The following MAP2K6 variants were observed in gnomAD, a reference collection of about 807,000 sequenced individuals.
MAP2K6 encodes the protein mitogen-activated protein kinase kinase 6, also known as dual specificity mitogen-activated protein kinase kinase 6.
Under a neutral mutation model 53.7 loss-of-function variants are expected in MAP2K6, and 16 were observed. That is an observed-to-expected ratio of 0.30 (90% CI 0.20 to 0.45). The LOEUF is 0.45. Among genes scored for constraint, MAP2K6 ranks in the 20% least tolerant of loss-of-function variants. The probability of loss-of-function intolerance (pLI) is 1.00; values close to 1 mark genes in which losing one functional copy is unlikely to be tolerated. For missense variants in MAP2K6, 204 were observed against 411.9 expected, an observed-to-expected ratio of 0.50 and a Z score of 4.37; for synonymous variants, 132 against 143.1, an observed-to-expected ratio of 0.92 and a Z score of 0.55.
Position 69,526,192 on chromosome 17 carries a change from C to T in MAP2K6, c.742-378C>T, listed in dbSNP as rs114172476. Among the ~76,000 whole-genome samples the T allele has an allele frequency of 5.2e-3, 799 of 152,280 alleles. 9 individuals are homozygous for T. Among genetic ancestry groups the T allele is most frequent in the African/African-American group, 0.018 (766 of 41,560 alleles). The stretch of plus-strand genomic sequence containing the variant: ...GGACCTGAAGGTGGCAGTAGATGCT[C>T]GGCTCTGGAAAGATCTTAGGCTGGG... On this transcript the variant is annotated intron_variant, in intron 9 of 11. Coordinates refer to ENST00000590474, the MANE Select transcript of MAP2K6 (RefSeq NM_002758.4).
At chr17:69,511,543 C>A (rs1483519836) in intron 2 of MAP2K6, among the ~76,000 whole-genome samples, 4 of 152,140 alleles carry the variant, frequency 2.6e-5, no homozygotes, top group Non-Finnish European at 5.9e-5. Context: ...TTGATAGTGA[C>A]CAATTCTAAA....
intron 1 of MAP2K6, among the ~76,000 whole-genome samples, chr17:69,421,018 T>C (rs924533861): frequency 3.9e-5 from 6 of 152,232 alleles, no homozygotes; most frequent in Non-Finnish European, 5.9e-5. Context: ...ACTGTCTTGT[T>C]TGAAAGCCCT....
At chr17:69,487,790 C>T (rs1159574806) in intron 1 of MAP2K6, among the ~76,000 whole-genome samples, 1 of 152,192 alleles carries the variant, frequency 6.6e-6, no homozygotes, top group Non-Finnish European at 1.5e-5. Context: ...GTACTTCCTT[C>T]AGTCTTTAAT....
chr17:69,526,721 T>A lies in MAP2K6; in HGVS notation c.881+12T>A. 1.2e-6 allele frequency: 2 copies of A among 1,609,802 alleles called. No homozygotes were observed. The highest frequency in any genetic ancestry group is 1.7e-6 in the Non-Finnish European group (2 of 1,179,422). ...TTTACCTCACAGTGGTAAGACAGCC[T>A]CACCTCCCAAGTGTCAGTGTGAAAG... On this transcript the variant is annotated intron_variant, in intron 10 of 11. Coordinates refer to ENST00000590474, the MANE Select transcript of MAP2K6 (RefSeq NM_002758.4).
chr17:69,468,857 G>A (rs62080950), intron 1 of MAP2K6, among the ~76,000 whole-genome samples: 5 of 152,112 alleles, frequency 3.3e-5, no homozygotes, highest in Admixed American at 3.3e-4. Context: ...ACAACAAAAG[G>A]CGGGTTGAAC....
intron 1 of MAP2K6, among the ~76,000 whole-genome samples, chr17:69,480,313 T>A (rs1424613599): frequency 1.3e-5 from 2 of 152,162 alleles, no homozygotes; most frequent in Non-Finnish European, 2.9e-5. Flanking sequence ...CCCTCCTTTT[T>A]TTCACAGGAC....
rs779052080 is a variant in MAP2K6 at position 69,430,743 on chromosome 17, C to T, written c.16+15743C>T. 3.9e-5 allele frequency among the ~76,000 whole-genome samples: 6 copies of T among 152,280 alleles called. No homozygotes were observed. The East Asian group carries it at 7.7e-4, about 20-fold the overall frequency. On this transcript the variant is annotated intron_variant, in intron 1 of 11. Coordinates refer to ENST00000590474, the MANE Select transcript of MAP2K6 (RefSeq NM_002758.4). Reference sequence around the variant, plus strand: ...AATCAGCTGGACTGTCAAGCCACTTCGTTTAAGACAGAAACCAGCTACTGG... The same window carrying T: ...AATCAGCTGGACTGTCAAGCCACTTTGTTTAAGACAGAAACCAGCTACTGG...
chr17:69,443,748 C>G (rs1906890769), intron 1 of MAP2K6, among the ~76,000 whole-genome samples: 1 of 151,968 alleles, frequency 6.6e-6, no homozygotes, highest in Non-Finnish European at 1.5e-5. Flanking sequence ...AGTAGAGATT[C>G]CGATAATGCA....
At chr17:69,419,966 C>T (rs1029646187) in intron 1 of MAP2K6, among the ~76,000 whole-genome samples, 7 of 151,532 alleles carry the variant, frequency 4.6e-5, no homozygotes, top group Admixed American at 1.3e-4. Flanking sequence ...TCAAAGTTAG[C>T]CAGAAAATAG....
chr17:69,538,598 A>G (rs1375570215), intron 11 of MAP2K6, among the ~76,000 whole-genome samples: 1 of 152,238 alleles, frequency 6.6e-6, no homozygotes, highest in African/African-American at 2.4e-5. Flanking sequence ...TTGGTGAGGA[A>G]GTATGAAGGA....
At chr17:69,490,819 G>T (rs1344605824) in intron 1 of MAP2K6, among the ~76,000 whole-genome samples, 2 of 151,882 alleles carry the variant, frequency 1.3e-5, no homozygotes, top group African/African-American at 2.4e-5. Flanking sequence ...CATTACCCAA[G>T]TATTAAGCCT....
At chr17:69,520,218 A>G in intron 5 of MAP2K6, 52 bp from the exon 6 acceptor site, 2 of 891,750 alleles carry the variant, frequency 2.2e-6, no homozygotes, top group Non-Finnish European at 3.5e-6. Flanking sequence ...TTTTATTTTT[A>G]TTTCTCCCTT....
intron 1 of MAP2K6, among the ~76,000 whole-genome samples, chr17:69,461,132 T>A (rs1907611112): frequency 6.6e-6 from 1 of 152,218 alleles, no homozygotes; most frequent in African/African-American, 2.4e-5. Context: ...TAGTAAAAGA[T>A]GTGAGTGGTA....
In MAP2K6 at chr17:69,487,868, A is replaced by G. The variant is rs1376889386; in HGVS notation, c.17-17912A>G. 5.1e-4 allele frequency among the ~76,000 whole-genome samples: 78 copies of G among 152,236 alleles called. 1 individual carries two copies. Among genetic ancestry groups the G allele is most frequent in the Non-Finnish European group, 4.4e-5 (3 of 68,036 alleles). ...AATATTTACTTAAAATCAATCCAAT[A>G]AAAACCTACAACTTAAAGAAAATCT... On this transcript the variant is annotated intron_variant, in intron 1 of 11. Coordinates refer to ENST00000590474, the MANE Select transcript of MAP2K6 (RefSeq NM_002758.4).
Position 69,544,619 on chromosome 17 carries a change from C to G in MAP2K6, c.*2866C>G, listed in dbSNP as rs922673768. 2 of 152,070 alleles carry G rather than the reference C, an allele frequency of 1.3e-5. No individual in the cohort carries two copies. Among genetic ancestry groups the G allele is most frequent in the Non-Finnish European group, 2.9e-5 (2 of 68,008 alleles). 9.4% of individuals were successfully genotyped at this position (152,070 alleles called of 1,614,324 possible). A position where few individuals can be genotyped will look rare whatever the true frequency, so the allele number is the denominator to read the frequency against. ...CTACAAAAGAGATCATGCTTATTTC[C>G]CCAGATGTATTTGATTTTGTATCAT... is the stretch of plus-strand genomic sequence containing the variant. On this transcript the variant is annotated 3_prime_UTR_variant, in exon 12 of 12. Coordinates refer to ENST00000590474, the MANE Select transcript of MAP2K6 (RefSeq NM_002758.4).
chr17:69,474,819 T>C (rs1908088406), intron 1 of MAP2K6, among the ~76,000 whole-genome samples: 1 of 152,240 alleles, frequency 6.6e-6, no homozygotes, highest in South Asian at 2.1e-4. Flanking sequence ...ACTTCTTCTT[T>C]ATGGCGGTTT....
chr17:69,490,954 G>A (rs1598287156), intron 1 of MAP2K6, among the ~76,000 whole-genome samples: 1 of 151,846 alleles, frequency 6.6e-6, no homozygotes, highest in East Asian at 1.9e-4. Flanking sequence ...ATTTATATAA[G>A]TGAGAACATG....
Position 69,494,874 on chromosome 17 carries a change from G to A in MAP2K6, c.17-10906G>A, listed in dbSNP as rs534688734. Among the ~76,000 whole-genome samples, 8 of 151,796 alleles carry A rather than the reference G, an allele frequency of 5.3e-5. No homozygotes were observed. Among genetic ancestry groups the A allele is most frequent in the African/African-American group, 1.2e-4 (5 of 41,424 alleles). On this transcript the variant is annotated intron_variant, in intron 1 of 11. Coordinates refer to ENST00000590474, the MANE Select transcript of MAP2K6 (RefSeq NM_002758.4). This position sits in a 1 kb window ranked among gnomAD's most constrained non-coding sequence, Gnocchi z 4.2. The stretch of plus-strand genomic sequence containing the variant: ...TACAAAATTAGCCGGGCATGGTGGC[G>A]CACTTCTGTAATCCCAGCTACTCGG...
chr17:69,486,909 C>T (rs1908561156), intron 1 of MAP2K6, among the ~76,000 whole-genome samples: 1 of 152,140 alleles, frequency 6.6e-6, no homozygotes, highest in Non-Finnish European at 1.5e-5. Context: ...AGTCGATTGC[C>T]CAAACGTTTT....
Sources: gnomAD v4.1 joint callset for allele counts (sites outside exome capture counted in the v4.1 genomes callset) on GRCh38, gnomAD v4.1.1 for gene constraint, Gnocchi (gnomAD v3.1) non-coding constraint, MANE v1.5 for transcripts, NCBI Gene and HGNC (gene_info 2026-07-23, HGNC 2026-07-21) for gene names.